Variants in DPH6 observed in about 807,000 individuals in gnomAD.
The protein encoded by DPH6 is diphthine--ammonia ligase.
In DPH6, 33 loss-of-function variants were observed where a neutral mutation model predicts 38.2. The observed-to-expected ratio is 0.86, with a 90% CI of 0.65 to 1.15. The LOEUF (loss-of-function observed/expected upper bound fraction) is 1.15, where lower values mean the gene tolerates loss of function less well. Ranked by LOEUF, DPH6 falls within the 50% of genes most tolerant of loss-of-function variation. DPH6 has a pLI of 0.00. For missense variants in DPH6, 325 were observed against 320.0 expected (o/e 1.02, Z -0.12); for synonymous variants, 108 against 103.0 (o/e 1.05, Z -0.30).
At chr15:35,428,236 T>C (rs1339094112) in intron 5 of DPH6, among the ~76,000 whole-genome samples, 1 of 152,064 alleles carries the variant, frequency 6.6e-6, no homozygotes, top group African/African-American at 2.4e-5. Context: ...TTGAATACTA[T>C]ATGCTTATCC....
At chr15:35,462,229 C>T (rs1223163382) in intron 3 of DPH6, among the ~76,000 whole-genome samples, 1 of 152,160 alleles carries the variant, frequency 6.6e-6, no homozygotes, top group Admixed American at 6.5e-5. Flanking sequence ...AGCTTCCTAA[C>T]TGGCCTCCCT....
At chr15:35,436,495 A>AAAC (rs200134718) in intron 5 of DPH6, among the ~76,000 whole-genome samples, 3,329 of 37,840 alleles carry the variant, frequency 0.088, 303 homozygotes, top group East Asian at 0.19. Context: ...AAAACAAAAC[A>AAAC]AAACAAAACA....
chr15:35,456,307 T>C (rs965088568), intron 3 of DPH6, among the ~76,000 whole-genome samples: 4 of 151,896 alleles, frequency 2.6e-5, no homozygotes, highest in Non-Finnish European at 5.9e-5. Context: ...GTTATATTCC[T>C]ATATCATATA....
chr15:35,237,052 TGGGTTGGAATGCATG>T, intron 3 of DPH6: 1 of 440,656 alleles, frequency 2.3e-6, no homozygotes. Flanking sequence ...CTGTTTTTCT[TGGGTTGGAATGCATG>T]CACATAGGCA....
At chr15:35,253,617 A>G (rs1382357116) in intron 3 of DPH6, among the ~76,000 whole-genome samples, 1 of 152,232 alleles carries the variant, frequency 6.6e-6, no homozygotes, top group African/African-American at 2.4e-5. Context: ...TAGTCACTTA[A>G]AAATATTCCC....
intron 3 of DPH6, among the ~76,000 whole-genome samples, chr15:35,339,931 T>C (rs1334425529): frequency 6.6e-6 from 1 of 152,182 alleles, no homozygotes; most frequent in Non-Finnish European, 1.5e-5. Flanking sequence ...GTCCTGGCTA[T>C]CATTGTTAAT....
chr15:35,147,327 C>G, the DPH6 span, among the ~76,000 whole-genome samples: 2 of 152,128 alleles, frequency 1.3e-5, no homozygotes, highest in East Asian at 3.8e-4. Flanking sequence ...TGCTATCATA[C>G]TTTATTATCA....
intron 5 of DPH6, among the ~76,000 whole-genome samples, chr15:35,421,278 C>T (rs2053501553): frequency 6.6e-6 from 1 of 152,164 alleles, no homozygotes; most frequent in Admixed American, 6.6e-5. Flanking sequence ...AGAGGGAATA[C>T]TTCTAAACTA....
intron 3 of DPH6, among the ~76,000 whole-genome samples, chr15:35,517,509 A>T (rs1352436947): frequency 1.3e-5 from 2 of 152,102 alleles, no homozygotes; most frequent in African/African-American, 2.4e-5. Context: ...TTCTTACTGT[A>T]ACTGGTCATT....
intron 6 of DPH6, among the ~76,000 whole-genome samples, chr15:35,405,739 A>G (rs888023462): frequency 2.0e-5 from 3 of 152,104 alleles, no homozygotes; most frequent in Admixed American, 1.3e-4. Context: ...ACTATGTTGA[A>G]TAACAGTGGT....
intron 3 of DPH6, among the ~76,000 whole-genome samples, chr15:35,353,152 TGAG>T (rs1156361817): frequency 6.6e-6 from 1 of 150,654 alleles, no homozygotes; most frequent in Non-Finnish European, 1.5e-5. Context: ...TAAATTTGTT[TGAG>T]TTCACTGTAG....
chr15:35,300,046 G>A (rs76293835), intron 3 of DPH6, among the ~76,000 whole-genome samples: 1 of 152,346 alleles, frequency 6.6e-6, no homozygotes, highest in East Asian at 1.9e-4. Context: ...TGTGAGCACA[G>A]AAGTGGTGAG....
intron 5 of DPH6, among the ~76,000 whole-genome samples, chr15:35,436,241 C>A (rs7167764): frequency 6.6e-6 from 1 of 151,596 alleles, no homozygotes; most frequent in Admixed American, 6.6e-5. Context: ...CCAAGGCAGG[C>A]GGATCACGAG....
At chr15:35,268,039 A>G (rs1390752433) in intron 3 of DPH6, among the ~76,000 whole-genome samples, 1 of 151,900 alleles carries the variant, frequency 6.6e-6, no homozygotes, top group African/African-American at 2.4e-5. Context: ...GCGTGGTGGC[A>G]GGCGCCTGTA....
intron 8 of DPH6, 58 bp from the exon 9 acceptor site, chr15:35,372,261 T>C (rs1305899308): frequency 3.1e-6 from 4 of 1,292,040 alleles, no homozygotes; most frequent in Non-Finnish European, 4.1e-6. Flanking sequence ...TCAGTGTCAG[T>C]GAATATGACA....
intron 3 of DPH6, among the ~76,000 whole-genome samples, chr15:35,485,183 G>A (rs964644535): frequency 6.6e-6 from 1 of 152,144 alleles, no homozygotes; most frequent in Non-Finnish European, 1.5e-5. Context: ...GGATCACACA[G>A]CTAGTAAATA....
In DPH6 at chr15:35,228,166, T is replaced by C. The variant is rs117394093; in HGVS notation, n.201-7584A>G. ...GGTCTATAGTGTAGACCAACATTGT[T>C]TGCATAAACAAACAAACAAAAAGAA... On this transcript the variant is annotated intron_variant and non_coding_transcript_variant, in intron 3 of 3. Transcript: ENST00000560386. 1.2e-4 allele frequency among the ~76,000 whole-genome samples: 18 copies of C among 152,290 alleles called. No homozygotes were observed. The East Asian group carries it at 2.7e-3, about 23-fold the overall frequency.
chr15:35,302,405 C>T (rs1434966599), intron 3 of DPH6, among the ~76,000 whole-genome samples: 1 of 152,230 alleles, frequency 6.6e-6, no homozygotes, highest in African/African-American at 2.4e-5. Context: ...TTGCCTCCAG[C>T]ACTTCACATT....
chr15:35,295,860 T>C (rs886245992), intron 3 of DPH6, among the ~76,000 whole-genome samples: 4 of 150,996 alleles, frequency 2.6e-5, no homozygotes, highest in Non-Finnish European at 5.9e-5. Flanking sequence ...TTACATATTA[T>C]GTATGCATTG....
Sources: allele counts gnomAD v4.1 joint callset (sites outside exome capture counted in the v4.1 genomes callset), GRCh38; gene constraint gnomAD v4.1.1; transcripts MANE v1.5; gene names NCBI Gene and HGNC (gene_info 2026-07-23, HGNC 2026-07-21).